KANK1: variants seen among roughly 807,000 people sequenced by gnomAD.
KANK1 encodes KN motif and ankyrin repeat domains 1, also known as KN motif and ankyrin repeat domain-containing protein 1.
In KANK1, 109 loss-of-function variants were observed where a neutral mutation model predicts 106.2. The ratio of observed to expected loss-of-function variants is 1.03; its 90% confidence interval spans 0.88 to 1.20. The LOEUF (loss-of-function observed/expected upper bound fraction) is 1.20, where lower values mean the gene tolerates loss of function less well. KANK1 is among the 50% of genes most tolerant of loss of function. The pLI is 0.00. For synonymous variants in KANK1, 873 were observed against 652.2 expected (o/e 1.34, Z -5.16); for missense variants, 2,399 against 1,710.7 (o/e 1.40, Z -7.10).
intron 3 of KANK1, among the ~76,000 whole-genome samples, chr9:481,810 C>T (rs1255826094): frequency 6.6e-6 from 1 of 151,626 alleles, no homozygotes; most frequent in East Asian, 1.9e-4. Context: ...CACCACTGCA[C>T]TCCAGCCTGG....
chr9:706,878 G>T (rs1824364506), intron 2 of KANK1: 1 of 985,436 alleles, frequency 1.0e-6, no homozygotes, highest in Non-Finnish European at 1.2e-6. Flanking sequence ...ATGAAGCAGT[G>T]ACTAGTATAG....
chr9:734,738 C>T lies in KANK1; in HGVS notation c.3246-10C>T, dbSNP rs772119562. On this transcript the variant is annotated splice_polypyrimidine_tract_variant and intron_variant, in intron 6 of 11. Coordinates refer to ENST00000382297, the MANE Select transcript of KANK1 (RefSeq NM_015158.5). ...TGTGACCAATCGTAACTTGTTTTTT[C>T]TCCTTTCAGGTATGAATTAAGTGAA... 2 of 1,576,806 alleles carry T rather than the reference C, an allele frequency of 1.3e-6. No homozygotes were observed. Among genetic ancestry groups the T allele is most frequent in the East Asian group, 2.2e-5 (1 of 44,728 alleles).
chr9:552,422 G>C (rs1406992631), intron 1 of KANK1, among the ~76,000 whole-genome samples: 1 of 152,150 alleles, frequency 6.6e-6, no homozygotes, highest in East Asian at 1.9e-4. Flanking sequence ...CTCAGCAGTT[G>C]TTAAACAATA....
intron 1 of KANK1, among the ~76,000 whole-genome samples, chr9:521,458 G>A (rs954106058): frequency 6.6e-6 from 1 of 151,354 alleles, no homozygotes; most frequent in African/African-American, 2.4e-5. Flanking sequence ...CTCTTAACCT[G>A]CTTCCAGCTC....
chr9:471,930 C>T (rs540447665), intron 2 of KANK1, among the ~76,000 whole-genome samples: 15 of 152,196 alleles, frequency 9.9e-5, no homozygotes, highest in African/African-American at 3.6e-4. Context: ...CGGCTGACTC[C>T]CCGAGCACAA....
chr9:617,652 G>A lies in KANK1; in HGVS notation c.-83-59238G>A, dbSNP rs28463238. 6.7e-3 allele frequency among the ~76,000 whole-genome samples: 1,017 copies of A among 152,254 alleles called. 23 individuals are homozygous for A. The highest frequency in any genetic ancestry group is 0.023 in the African/African-American group (975 of 41,524). The stretch of plus-strand genomic sequence containing the variant: ...ACACCAATATGGGTGGGCAGGAAAA[G>A]TTACTTCCCAGGCTGAAATTTTCCC... On this transcript the variant is annotated intron_variant, in intron 1 of 11. Coordinates refer to ENST00000382297, the MANE Select transcript of KANK1 (RefSeq NM_015158.5).
At chr9:572,331 A>G (rs973133659) in intron 1 of KANK1, among the ~76,000 whole-genome samples, 4 of 151,840 alleles carry the variant, frequency 2.6e-5, no homozygotes, top group African/African-American at 4.8e-5. Flanking sequence ...ATTTCGGATC[A>G]TGAGGTCAAG....
intron 1 of KANK1, among the ~76,000 whole-genome samples, chr9:552,933 C>G (rs978560168): frequency 3.3e-5 from 5 of 152,036 alleles, no homozygotes; most frequent in African/African-American, 1.2e-4. Context: ...TAGCTTGAGC[C>G]CAGGAGTTTG....
At chr9:639,246 C>A (rs1015058364) in intron 1 of KANK1, among the ~76,000 whole-genome samples, 1 of 152,166 alleles carries the variant, frequency 6.6e-6, no homozygotes, top group East Asian at 1.9e-4. Flanking sequence ...TCATTCTTAT[C>A]ATTGGCAGTA....
intron 3 of KANK1, among the ~76,000 whole-genome samples, chr9:485,180 G>A (rs1280890615): frequency 6.6e-6 from 1 of 152,132 alleles, no homozygotes; most frequent in African/African-American, 2.4e-5. Flanking sequence ...GAGTGGGTGT[G>A]GTATTCAGGC....
chr9:744,154 C>G (rs1424813338), intron 10 of KANK1, among the ~76,000 whole-genome samples: 1 of 151,606 alleles, frequency 6.6e-6, no homozygotes, highest in Admixed American at 6.6e-5. Flanking sequence ...AGTCTCTAAA[C>G]ACACACTACT....
At chr9:471,558 C>G (rs2058021367) in intron 2 of KANK1, 1 of 152,200 alleles carries the variant, frequency 6.6e-6, no homozygotes, top group African/African-American at 2.4e-5. Context: ...CACAATTTCT[C>G]ATCCTTCTTC....
At chr9:679,948 G>A (rs774308553) in intron 2 of KANK1, among the ~76,000 whole-genome samples, 10 of 151,922 alleles carry the variant, frequency 6.6e-5, no homozygotes, top group East Asian at 1.9e-4. Context: ...TAAGAGATGC[G>A]GGTTATAAAT....
intron 2 of KANK1, among the ~76,000 whole-genome samples, chr9:697,448 C>A (rs1199411576): frequency 1.3e-5 from 2 of 152,098 alleles, no homozygotes; most frequent in African/African-American, 4.8e-5. Flanking sequence ...GAGCTCCTGG[C>A]ACATGACTTT....
rs1348214903 is a variant in KANK1 at position 712,862 on chromosome 9, G to T, written c.2096G>T (p.Cys699Phe). 2 of 1,613,638 alleles carry T rather than the reference G, an allele frequency of 1.2e-6. No individual in the cohort carries two copies. Among genetic ancestry groups the T allele is most frequent in the African/African-American group, 2.7e-5 (2 of 74,814 alleles). Residue 699 changes from cysteine (C) to phenylalanine (F), a missense_variant, in exon 3 of 12, where the codon TGT (cysteine) becomes TTT (phenylalanine). Transcript: ENST00000382297. ...ATLIESCTNT[C>F]LSTLDKQTST... The stretch of plus-strand genomic sequence containing the variant: ...CTCATAGAGTCCTGCACCAACACTT[G>T]TCTAAGCACTTTGGACAAGCAGACC...
intron 1 of KANK1, among the ~76,000 whole-genome samples, chr9:561,827 A>G (rs1347486805): frequency 6.6e-6 from 1 of 152,190 alleles, no homozygotes; most frequent in African/African-American, 2.4e-5. Context: ...GTTAAAGAAA[A>G]CTGTCAAGAG....
intron 2 of KANK1, among the ~76,000 whole-genome samples, chr9:692,102 C>CGG (rs1554685261): frequency 2.0e-5 from 3 of 151,650 alleles, no homozygotes; most frequent in Admixed American, 1.3e-4. Context: ...AAATTCAAAA[C>CGG]GGGACAGCTG....
In KANK1 at chr9:608,012, AATTATT is replaced by A. The variant is rs1205173765; in HGVS notation, c.-83-68859_-83-68854del. Reference sequence around the variant, plus strand: ...GAAGGAAAGACTAAAAAACTTTCAGAATTATTATTATTATTATTATTATTTTTTTTT... The same window carrying A: ...GAAGGAAAGACTAAAAAACTTTCAGAATTATTATTATTATTATTTTTTTTT... On this transcript the variant is annotated intron_variant, in intron 1 of 11. Transcript: ENST00000382297. Among the ~76,000 whole-genome samples the A allele has an allele frequency of 9.6e-4, 118 of 123,250 alleles. 5 individuals are homozygous for A. Among genetic ancestry groups the A allele is most frequent in the East Asian group, 4.4e-3 (19 of 4,290 alleles). 80.9% of individuals were successfully genotyped at this position (123,250 alleles called of 152,430 possible).
intron 1 of KANK1, among the ~76,000 whole-genome samples, chr9:660,689 C>A (rs1843095793): frequency 6.6e-6 from 1 of 152,158 alleles, no homozygotes; most frequent in African/African-American, 2.4e-5. Flanking sequence ...AAGAGACTGT[C>A]ACCACCCGAA....
Sources: gnomAD v4.1 joint callset for allele counts (sites outside exome capture counted in the v4.1 genomes callset) on GRCh38, gnomAD v4.1.1 for gene constraint, MANE v1.5 for transcripts, NCBI Gene and HGNC (gene_info 2026-07-23, HGNC 2026-07-21) for gene names.